The following CHGA variants were observed in gnomAD, a reference collection of about 807,000 sequenced individuals.
The protein encoded by CHGA is chromogranin-A.
CHGA carries 41 observed loss-of-function variants against 54.4 expected under a neutral mutation model. That is an observed-to-expected ratio of 0.75 (90% CI 0.59 to 0.98). The LOEUF is 0.98. Among genes scored for constraint, CHGA ranks in the 50% least tolerant of loss-of-function variants. The pLI, the probability that CHGA is intolerant of heterozygous loss-of-function variation, is 0.00. For missense variants in CHGA, 576 were observed against 582.3 expected, an observed-to-expected ratio of 0.99 and a Z score of 0.11; for synonymous variants, 249 against 232.8, an observed-to-expected ratio of 1.07 and a Z score of -0.63.
Position 92,924,237 on chromosome 14 carries a change from G to A in CHGA, c.85G>A (p.Asp29Asn), listed in dbSNP as rs1224120649. 1 of 1,612,092 alleles carries A rather than the reference G, an allele frequency of 6.2e-7. No homozygotes were observed. The highest frequency in any genetic ancestry group is 1.3e-5 in the African/African-American group (1 of 74,876). Residue 29 changes from aspartate (D) to asparagine (N), a missense_variant, in exon 2 of 8, where the codon GAT becomes AAT. Transcript: ENST00000216492. ...LPVNSPMNKG[D>N]TEVMKCIVEV... ...TGTGAACAGCCCTATGAATAAAGGGGATACCGAGGTAAGAAGGGGTGCTGG... is the reference window on the plus strand; with the variant it reads ...TGTGAACAGCCCTATGAATAAAGGGAATACCGAGGTAAGAAGGGGTGCTGG...
rs1887020932 is a variant in CHGA, at chr14:92,932,414, G to A, written c.853G>A (p.Ala285Thr). 4 of 1,576,202 alleles carry A rather than the reference G, an allele frequency of 2.5e-6. No individual in the cohort carries two copies. The highest frequency in any genetic ancestry group is 3.4e-6 in the Non-Finnish European group (4 of 1,161,236). Residue 285 changes from alanine to threonine, a missense_variant, in exon 7 of 8, where the codon GCT (alanine) becomes ACT (threonine). By Grantham distance (58) the Ala-to-Thr change is moderately conservative. Coordinates refer to ENST00000216492, the MANE Select transcript of CHGA (RefSeq NM_001275.4). This position sits in a 1 kb window ranked among gnomAD's most constrained non-coding sequence, Gnocchi z 5.3. ...LAVDGAGKPG[A>T]EEAQDPEGKG... ...TGTGGATGGAGCTGGGAAGCCTGGG[G>A]CTGAGGAGGCTCAGGACCCCGAAGG...
chr14:92,931,600 G>T lies in CHGA; in HGVS notation c.706G>T (p.Glu236Ter). 1 of 1,613,446 alleles carries T rather than the reference G, an allele frequency of 6.2e-7. No individual in the cohort carries two copies. Among genetic ancestry groups the T allele is most frequent in the Non-Finnish European group, 8.5e-7 (1 of 1,179,808 alleles). The change falls in exon 6 of 8, where the codon GAG (glutamate) becomes TAG (stop). Residue 236 changes from glutamate (E) to a stop codon, truncating the protein, a stop_gained. Coordinates refer to ENST00000216492, the MANE Select transcript of CHGA (RefSeq NM_001275.4). LOFTEE classifies it high-confidence loss of function. The stretch of plus-strand genomic sequence containing the variant: ...AGAAGAGGAGGAGGAGGAGGAGGAG[G>T]AGGCTGAGGCTGGAGAGGAGGCTGT... ...KREEEEEEEE[E>*]AEAGEEAVPE...
chr14:92,927,601 A>G lies in CHGA; in HGVS notation c.239A>G (p.Gln80Arg), dbSNP rs1290885755. ...LRHQNLLKEL[Q>R]DLALQGAKER... ...CATCAGAATTTACTGAAGGAGCTCC[A>G]AGACCTCGCTCTCCAAGGTATTTTC... The change falls in exon 4 of 8, where the codon CAA becomes CGA. Residue 80 changes from glutamine (Q) to arginine (R), a missense_variant. Coordinates refer to ENST00000216492, the MANE Select transcript of CHGA (RefSeq NM_001275.4). 1 of 1,613,640 alleles carries G rather than the reference A, an allele frequency of 6.2e-7. No individual in the cohort carries two copies. The highest frequency in any genetic ancestry group is 8.5e-7 in the Non-Finnish European group (1 of 1,179,806).
In CHGA at chr14:92,929,702, CTTTT is replaced by C. The variant is rs777098154; in HGVS notation, c.257-14_257-11del. Reference sequence around the variant, plus strand: ...CTGCACCCAATGGGACTTTTCCCTCCTTTTCTCATACCAGGCGCCAAGGAGAGGG... The same window carrying C: ...CTGCACCCAATGGGACTTTTCCCTCCCTCATACCAGGCGCCAAGGAGAGGG... On this transcript the variant is annotated splice_polypyrimidine_tract_variant and intron_variant, in intron 4 of 7. Transcript: ENST00000216492. The C allele has an allele frequency of 1.2e-6, 2 of 1,612,968 alleles. No individual in the cohort carries two copies. The highest frequency in any genetic ancestry group is 1.7e-6 in the Non-Finnish European group (2 of 1,179,286).
intron 4 of CHGA, among the ~76,000 whole-genome samples, 154 bp from the exon 5 acceptor site, chr14:92,929,563 G>A (rs539829756): frequency 1.3e-5 from 2 of 152,336 alleles, no homozygotes; most frequent in Non-Finnish European, 2.9e-5. Context: ...ACCCTTCACC[G>A]CTCCCCAAGC....
chr14:92,927,866 T>C (rs946044879), intron 4 of CHGA, among the ~76,000 whole-genome samples: 1 of 152,206 alleles, frequency 6.6e-6, no homozygotes, highest in African/African-American at 2.4e-5. Flanking sequence ...AGGTGCAGCT[T>C]CCCTAAAACC....
chr14:92,933,428 G>A (rs952858962), intron 7 of CHGA, among the ~76,000 whole-genome samples: 3 of 152,186 alleles, frequency 2.0e-5, no homozygotes, highest in South Asian at 2.1e-4. Context: ...CTCTGCCCAC[G>A]TCATTACCAT....
chr14:92,928,491 G>T (rs1422948793), intron 4 of CHGA, among the ~76,000 whole-genome samples: 2 of 152,334 alleles, frequency 1.3e-5, no homozygotes, highest in East Asian at 3.9e-4. Context: ...TGTTGGAGGG[G>T]GCAGGGAGTG....
At chr14:92,934,728 C>T (rs934782197) in intron 7 of CHGA, 73 bp from the exon 8 acceptor site, 12 of 1,160,448 alleles carry the variant, frequency 1.0e-5, no homozygotes, top group African/African-American at 9.3e-5. Context: ...GCTAACCCAG[C>T]GCCTTTCTGG....
intron 1 of CHGA, 106 bp from the exon 2 acceptor site, chr14:92,924,093 T>G: frequency 1.6e-6 from 2 of 1,287,582 alleles, no homozygotes; most frequent in Non-Finnish European, 2.2e-6. Context: ...TGGGGGCAGT[T>G]TTGAGGGGTG....
chr14:92,923,303 G>A lies in CHGA; in HGVS notation c.-57G>A. 7.8e-7 allele frequency: 1 copy of A among 1,287,534 alleles called. No individual in the cohort carries two copies. The highest frequency in any genetic ancestry group is 9.8e-7 in the Non-Finnish European group (1 of 1,020,428). The allele number at this position is 1,287,534 out of a possible 1,614,324, so 79.8% of individuals were successfully genotyped here. The stretch of plus-strand genomic sequence containing the variant: ...CCGGCCGCCAGTCCAGCCGCCCCTC[G>A]CCCGGTGCCTAGGTGCCCGGCCCCA... On this transcript the variant is annotated 5_prime_UTR_variant, in exon 1 of 8. Transcript: ENST00000216492.
chr14:92,927,262 G>A (rs968563933), intron 3 of CHGA, among the ~76,000 whole-genome samples: 1 of 152,230 alleles, frequency 6.6e-6, no homozygotes, highest in Non-Finnish European at 1.5e-5. Context: ...ATGGAGATGG[G>A]AACCTGTTGT....
intron 2 of CHGA, among the ~76,000 whole-genome samples, chr14:92,924,920 A>G (rs1186077760): frequency 6.6e-6 from 1 of 152,318 alleles, no homozygotes; most frequent in East Asian, 1.9e-4. Context: ...GTGCTCATCC[A>G]AATCTCTGAC....
intron 4 of CHGA, among the ~76,000 whole-genome samples, 168 bp from the exon 5 acceptor site, chr14:92,929,549 G>A (rs907462730): frequency 3.9e-5 from 6 of 152,212 alleles, no homozygotes; most frequent in South Asian, 2.1e-4. Flanking sequence ...GGTGAGGGAC[G>A]CCAACCCTTC....
intron 6 of CHGA, 27 bp downstream of exon 6, chr14:92,931,729 G>A (rs370339713): frequency 5.3e-5 from 82 of 1,536,292 alleles, no homozygotes; most frequent in Admixed American, 1.4e-4. Context: ...AGACCTCAAC[G>A]AACGTGTCTG....
Position 92,923,304 on chromosome 14 carries a change from C to A in CHGA, c.-56C>A. The A allele has an allele frequency of 1.0e-5, 13 of 1,290,428 alleles. No homozygotes were observed. Among genetic ancestry groups the A allele is most frequent in the South Asian group, 2.5e-5 (1 of 40,730 alleles). 79.9% of individuals were successfully genotyped at this position (1,290,428 alleles called of 1,614,324 possible). On this transcript the variant is annotated 5_prime_UTR_variant, in exon 1 of 8. Transcript: ENST00000216492. The stretch of plus-strand genomic sequence containing the variant: ...CGGCCGCCAGTCCAGCCGCCCCTCG[C>A]CCGGTGCCTAGGTGCCCGGCCCCAC...
In CHGA at chr14:92,929,786, A is replaced by G. The variant is rs1369620273; in HGVS notation, c.326A>G (p.Glu109Gly). 1 of 1,613,266 alleles carries G rather than the reference A, an allele frequency of 6.2e-7. No individual in the cohort carries two copies. The highest frequency in any genetic ancestry group is 1.7e-5 in the Admixed American group (1 of 60,026). ...GFEDELSEVL[E>G]NQSSQAELKE... is the part of the protein sequence containing the mutation. ...GAAGATGAACTCTCAGAGGTTCTTGAGAACCAGAGCAGCCAGGCCGAGCTG... is the reference window on the plus strand; with the variant it reads ...GAAGATGAACTCTCAGAGGTTCTTGGGAACCAGAGCAGCCAGGCCGAGCTG... Residue 109 changes from glutamate (E) to glycine (G), a missense_variant, in exon 5 of 8, where the codon GAG (glutamate) becomes GGG (glycine). Physicochemically the swap from Glu to Gly is moderately conservative, Grantham distance 98. Transcript: ENST00000216492.
intron 7 of CHGA, among the ~76,000 whole-genome samples, chr14:92,933,567 A>G (rs1237603626): frequency 6.6e-6 from 1 of 151,938 alleles, no homozygotes; most frequent in Non-Finnish European, 1.5e-5. Flanking sequence ...TACCTGGTTC[A>G]AGCCTAGTGT....
rs1259223942 is a variant in CHGA, at chr14:92,932,419, G to C, written c.858G>C (p.Glu286Asp). 2 of 1,574,188 alleles carry C rather than the reference G, an allele frequency of 1.3e-6. No homozygotes were observed. The highest frequency in any genetic ancestry group is 1.7e-6 in the Non-Finnish European group (2 of 1,159,994). Residue 286 changes from glutamate (E) to aspartate (D), a missense_variant, in exon 7 of 8, where the codon GAG (glutamate) becomes GAC (aspartate). Physicochemically the swap from Glu to Asp is conservative, Grantham distance 45. Transcript: ENST00000216492. This position sits in a 1 kb window ranked among gnomAD's most constrained non-coding sequence, Gnocchi z 5.3. ...AVDGAGKPGA[E>D]EAQDPEGKGE... Reference sequence around the variant, plus strand: ...ATGGAGCTGGGAAGCCTGGGGCTGAGGAGGCTCAGGACCCCGAAGGGAAGG... The same window carrying C: ...ATGGAGCTGGGAAGCCTGGGGCTGACGAGGCTCAGGACCCCGAAGGGAAGG...
Sources: gnomAD v4.1 joint callset for allele counts (sites outside exome capture counted in the v4.1 genomes callset) on GRCh38, gnomAD v4.1.1 for gene constraint, Gnocchi (gnomAD v3.1) non-coding constraint, MANE v1.5 for transcripts, NCBI Gene and HGNC (gene_info 2026-07-23, HGNC 2026-07-21) for gene names.